The following SFXN5 variants were observed in gnomAD, a reference collection of about 807,000 sequenced individuals.
The protein encoded by SFXN5 is sideroflexin-5.
SFXN5 carries 43 observed loss-of-function variants against 50.2 expected under a neutral mutation model. The observed-to-expected ratio is 0.86, with a 90% CI of 0.67 to 1.11. SFXN5 has a LOEUF of 1.11. Among genes scored for constraint, SFXN5 ranks in the 50% least tolerant of loss-of-function variants. The pLI, the probability that SFXN5 is intolerant of heterozygous loss-of-function variation, is 0.00. For synonymous variants in SFXN5, 203 were observed against 185.8 expected (o/e 1.09, Z -0.75); for missense variants, 463 against 454.1 (o/e 1.02, Z -0.18).
chr2:73,035,069 A>G (rs961114774), intron 3 of SFXN5, among the ~76,000 whole-genome samples: 4 of 152,186 alleles, frequency 2.6e-5, no homozygotes, highest in Non-Finnish European at 5.9e-5. Flanking sequence ...TCTGAGTCTC[A>G]CTGGAAAATT....
At position 73,048,795 on chromosome 2, in the gene SFXN5, A is replaced by G. The variant is rs374188050; in HGVS notation, c.172-7864T>C. 1.9e-3 allele frequency among the ~76,000 whole-genome samples: 290 copies of G among 152,304 alleles called. 3 individuals are homozygous for G. The highest frequency in any genetic ancestry group is 6.8e-3 in the Middle Eastern group (2 of 294). ...ATATAAATCTCACTGTACTTCTCTT[A>G]ATTCCTTTGGATAAATTTCTGGAAG... is the stretch of plus-strand genomic sequence containing the variant. On this transcript the variant is annotated intron_variant, in intron 2 of 13. Coordinates refer to ENST00000272433, the MANE Select transcript of SFXN5 (RefSeq NM_144579.3).
intron 3 of SFXN5, among the ~76,000 whole-genome samples, chr2:73,025,654 T>A (rs1677460910): frequency 6.6e-6 from 1 of 151,912 alleles, no homozygotes; most frequent in African/African-American, 2.4e-5. Context: ...GGTGGTGAGC[T>A]GATGAAGAGA....
At position 73,068,600 on chromosome 2, in the gene SFXN5, C is replaced by A. The variant is rs117898900; in HGVS notation, c.102+3004G>T. ...TCAATTTAATTCAAGTCCGCAAAGC[C>A]CTACTGAATTGTCTCCAGGATATTC... On this transcript the variant is annotated intron_variant, in intron 1 of 13. Transcript: ENST00000272433. 9.2e-5 allele frequency among the ~76,000 whole-genome samples: 14 copies of A among 152,122 alleles called. No individual in the cohort carries two copies. In the East Asian group the frequency reaches 2.7e-3, roughly 30 times the overall value.
At chr2:73,008,740 C>T (rs1387875636) in intron 6 of SFXN5, among the ~76,000 whole-genome samples, 2 of 152,172 alleles carry the variant, frequency 1.3e-5, no homozygotes, top group African/African-American at 2.4e-5. Context: ...CTCAGTGCAC[C>T]GGCATAGCCG....
At chr2:73,032,704 T>C (rs1156743978) in intron 3 of SFXN5, among the ~76,000 whole-genome samples, 1 of 152,050 alleles carries the variant, frequency 6.6e-6, no homozygotes, top group Admixed American at 6.5e-5. Context: ...TCCAAGCTGC[T>C]TCTCCAAACC....
At chr2:73,030,128 A>AT (rs1180413668) in intron 3 of SFXN5, among the ~76,000 whole-genome samples, 1 of 152,014 alleles carries the variant, frequency 6.6e-6, no homozygotes, top group Admixed American at 6.6e-5. Flanking sequence ...ACAAAAAAAA[A>AT]CAAAAACAAA....
In SFXN5 at chr2:72,961,314, A is replaced by T; in HGVS notation, c.828-66T>A. ...TGGGGTGGGCTGGCTGCCAGCCACC[A>T]TGCTGGGTCCCACTCTGTCTCTGGG... On this transcript the variant is annotated intron_variant, in intron 12 of 13. Coordinates refer to ENST00000272433, the MANE Select transcript of SFXN5 (RefSeq NM_144579.3). This position sits in a 1 kb window ranked among gnomAD's most constrained non-coding sequence, Gnocchi z 4.4. The T allele has an allele frequency of 8.9e-7, 1 of 1,129,682 alleles. No homozygotes were observed. Among genetic ancestry groups the T allele is most frequent in the Non-Finnish European group, 1.2e-6 (1 of 816,104 alleles). 70.0% of individuals were successfully genotyped at this position (1,129,682 alleles called of 1,614,324 possible).
At chr2:72,980,112 T>C (rs1671101798) in intron 10 of SFXN5, among the ~76,000 whole-genome samples, 1 of 152,176 alleles carries the variant, frequency 6.6e-6, no homozygotes. Flanking sequence ...GAGGTAATGC[T>C]GGCCTCCCCT....
At chr2:72,969,832 G>A (rs1223636595) in intron 11 of SFXN5, among the ~76,000 whole-genome samples, 1 of 152,130 alleles carries the variant, frequency 6.6e-6, no homozygotes, top group African/African-American at 2.4e-5. Flanking sequence ...GGTGTCTGCA[G>A]GGTTTCCCTC....
chr2:72,998,842 C>A (rs1001043506), intron 9 of SFXN5, 107 bp downstream of exon 9: 16 of 1,281,726 alleles, frequency 1.2e-5, no homozygotes, highest in Admixed American at 1.2e-4. Context: ...AACCTGTCTC[C>A]CAAATCCTTG....
At chr2:73,048,094 T>G (rs993088972) in intron 2 of SFXN5, among the ~76,000 whole-genome samples, 1 of 152,238 alleles carries the variant, frequency 6.6e-6, no homozygotes, top group African/African-American at 2.4e-5. Flanking sequence ...ACCATGGATA[T>G]CCATTGCTAT....
intron 1 of SFXN5, chr2:73,070,346 C>T (rs1683483706): frequency 1.3e-5 from 2 of 152,040 alleles, no homozygotes. Flanking sequence ...TTTTTTCAGA[C>T]GGCTCAGGAG....
At chr2:73,037,570 A>G (rs1046158970) in intron 3 of SFXN5, among the ~76,000 whole-genome samples, 4 of 152,350 alleles carry the variant, frequency 2.6e-5, no homozygotes, top group Admixed American at 1.3e-4. Flanking sequence ...ATTTTAAAAG[A>G]AACAGCATTG....
chr2:73,031,557 T>C (rs1678310191), intron 3 of SFXN5, among the ~76,000 whole-genome samples: 1 of 152,220 alleles, frequency 6.6e-6, no homozygotes, highest in Admixed American at 6.5e-5. Context: ...TTTGGGGTTA[T>C]TGGAAACTGC....
In SFXN5 at chr2:73,048,199, C is replaced by T. The variant is rs1480052842; in HGVS notation, c.172-7268G>A. On this transcript the variant is annotated intron_variant, in intron 2 of 13. Coordinates refer to ENST00000272433, the MANE Select transcript of SFXN5 (RefSeq NM_144579.3). ...ATATATTTATATAGAGATATAGATA[C>T]GTACATATTGTATCAGTCATCCCAG... 4.6e-5 allele frequency among the ~76,000 whole-genome samples: 7 copies of T among 152,038 alleles called. No homozygotes were observed. In the South Asian group the frequency reaches 6.2e-4, roughly 14 times the overall value.
At chr2:73,067,579 A>T (rs1683267535) in intron 1 of SFXN5, among the ~76,000 whole-genome samples, 2 of 152,210 alleles carry the variant, frequency 1.3e-5, no homozygotes, top group Non-Finnish European at 2.9e-5. Context: ...AAAAATTTTT[A>T]AAAAGCTAAC....
At chr2:73,020,391 G>A (rs951650283) in intron 5 of SFXN5, 127 bp from the exon 6 acceptor site, 13 of 834,466 alleles carry the variant, frequency 1.6e-5, no homozygotes, top group Non-Finnish European at 1.9e-5. Flanking sequence ...TCAGTTAGGC[G>A]GGAGGCATCT....
intron 3 of SFXN5, among the ~76,000 whole-genome samples, chr2:73,025,499 G>A (rs1677446530): frequency 6.6e-6 from 1 of 152,200 alleles, no homozygotes; most frequent in Non-Finnish European, 1.5e-5. Flanking sequence ...CTTCTGGTAA[G>A]GCACGGTGAA....
At chr2:73,060,831 CT>C (rs1682727277) in intron 1 of SFXN5, among the ~76,000 whole-genome samples, 1 of 151,890 alleles carries the variant, frequency 6.6e-6, no homozygotes, top group Non-Finnish European at 1.5e-5. Context: ...TCCCGAGTAG[CT>C]GTGACTACAG....
Sources: allele counts gnomAD v4.1 joint callset (sites outside exome capture counted in the v4.1 genomes callset), GRCh38; gene constraint gnomAD v4.1.1; non-coding constraint Gnocchi (gnomAD v3.1); transcripts MANE v1.5; gene names NCBI Gene and HGNC (gene_info 2026-07-23, HGNC 2026-07-21).